Variants in PPP4R4 observed in about 807,000 individuals in gnomAD.
PPP4R4 encodes the protein protein phosphatase 4 regulatory subunit 4.
In PPP4R4, 70 loss-of-function variants were observed where a neutral mutation model predicts 121.8. That is an observed-to-expected ratio of 0.57 (90% CI 0.47 to 0.70). The LOEUF is 0.70. PPP4R4 is among the 30% of genes least tolerant of loss of function. The pLI is 0.00. For missense variants in PPP4R4, 875 were observed against 1,033.6 expected (o/e 0.85, Z 2.10); for synonymous variants, 348 against 355.7 (o/e 0.98, Z 0.24).
In PPP4R4 at chr14:94,174,404, G is replaced by A; in HGVS notation, c.-62G>A. The A allele has an allele frequency of 2.9e-6, 4 of 1,387,184 alleles. No individual in the cohort carries two copies. Among genetic ancestry groups the A allele is most frequent in the South Asian group, 1.6e-5 (1 of 62,666 alleles). The allele number at this position is 1,387,184 out of a possible 1,614,324, so 85.9% of individuals were successfully genotyped here. On this transcript the variant is annotated 5_prime_UTR_variant, in exon 1 of 25. Transcript: ENST00000304338. ...AGTCCTGCTGGTGGGCGGCCGCGGG[G>A]CTGAGGGCGTCCGGCATCCCGGGGC...
intron 16 of PPP4R4, among the ~76,000 whole-genome samples, chr14:94,254,167 A>G (rs1893339842): frequency 6.6e-6 from 1 of 152,198 alleles, no homozygotes; most frequent in Non-Finnish European, 1.5e-5. Flanking sequence ...TGGGCCCAGG[A>G]GTCTCATAGA....
chr14:94,231,110 ACTTTTT>A, intron 4 of PPP4R4, 126 bp from the exon 5 acceptor site: 1 of 696,534 alleles, frequency 1.4e-6, no homozygotes, highest in Non-Finnish European at 2.2e-6. Flanking sequence ...TAATAGAGAA[ACTTTTT>A]AGAATAGTAA....
intron 3 of PPP4R4, among the ~76,000 whole-genome samples, chr14:94,222,998 C>G (rs1044957434): frequency 1.3e-5 from 2 of 151,992 alleles, no homozygotes; most frequent in Non-Finnish European, 2.9e-5. Context: ...CTCACTAATT[C>G]ATCTGTATCT....
intron 23 of PPP4R4, among the ~76,000 whole-genome samples, chr14:94,269,630 G>A (rs1033351651): frequency 2.0e-5 from 3 of 151,740 alleles, no homozygotes; most frequent in South Asian, 4.2e-4. Flanking sequence ...GCAGTGAGCC[G>A]GGAGAGAGAG....
chr14:94,233,783 G>C, intron 6 of PPP4R4, 24 bp downstream of exon 6: 1 of 1,445,350 alleles, frequency 6.9e-7, no homozygotes, highest in Non-Finnish European at 9.7e-7. Context: ...TGTAATTTTC[G>C]GTCTACTTTA....
chr14:94,245,523 T>C (rs1892847468), intron 12 of PPP4R4, 64 bp from the exon 13 acceptor site: 1 of 833,314 alleles, frequency 1.2e-6, no homozygotes. Context: ...GAAATTGACA[T>C]GTAGAATTAA....
chr14:94,243,111 G>A (rs758752045), intron 11 of PPP4R4, among the ~76,000 whole-genome samples: 1 of 152,054 alleles, frequency 6.6e-6, no homozygotes, highest in Non-Finnish European at 1.5e-5. Context: ...CTATGTCAGA[G>A]CACTTTGATG....
At chr14:94,177,250 T>C (rs1297973651) in intron 2 of PPP4R4, among the ~76,000 whole-genome samples, 1 of 152,208 alleles carries the variant, frequency 6.6e-6, no homozygotes, top group Non-Finnish European at 1.5e-5. Context: ...TTAGACTTTA[T>C]GTTGATGTTA....
chr14:94,251,974 C>A, intron 16 of PPP4R4, 78 bp downstream of exon 16: 1 of 1,289,348 alleles, frequency 7.8e-7, no homozygotes, highest in Non-Finnish European at 1.1e-6. Flanking sequence ...AAAATCTTTT[C>A]CTTAGCCAAT....
rs373343609 is a variant in PPP4R4 at position 94,250,210 on chromosome 14, A to G, written c.1650A>G (p.Leu550=). 8.7e-6 allele frequency: 14 copies of G among 1,612,520 alleles called. No individual in the cohort carries two copies. The highest frequency in any genetic ancestry group is 4.0e-5 in the African/African-American group (3 of 74,880). ...LPVQKAASRT[L]CIFLRYNRKQ... ...TCCAAAAGGCGGCTTCACGAACTCT[A>G]TGCATTTTTCTGCGTTATAATCGTA... The change falls in exon 15 of 25, where the codon CTA becomes CTG. Residue 550 remains leucine, a synonymous_variant. Transcript: ENST00000304338.
At chr14:94,183,709 C>T (rs1338603747) in intron 2 of PPP4R4, among the ~76,000 whole-genome samples, 3 of 152,132 alleles carry the variant, frequency 2.0e-5, no homozygotes, top group Non-Finnish European at 4.4e-5. Flanking sequence ...GTAAAAGTGA[C>T]CCATATAATG....
chr14:94,275,832 C>G (rs1000993775), intron 24 of PPP4R4, among the ~76,000 whole-genome samples: 3 of 152,142 alleles, frequency 2.0e-5, no homozygotes, highest in Non-Finnish European at 4.4e-5. Flanking sequence ...GAAGGCATCC[C>G]TTTAAACACC....
intron 2 of PPP4R4, among the ~76,000 whole-genome samples, chr14:94,181,320 G>A (rs982687553): frequency 3.9e-5 from 6 of 152,072 alleles, no homozygotes; most frequent in African/African-American, 1.4e-4. Flanking sequence ...TATATAGGTG[G>A]TCTTGAGTGA....
chr14:94,208,394 T>TA, intron 2 of PPP4R4, 70 bp from the exon 3 acceptor site: 1 of 1,158,622 alleles, frequency 8.6e-7, no homozygotes, highest in Non-Finnish European at 1.2e-6. Flanking sequence ...AATTAGTCCA[T>TA]ACTTTTTATA....
At position 94,251,142 on chromosome 14, in the gene PPP4R4, A is replaced by T. The variant is rs544986888; in HGVS notation, c.1718-607A>T. Among the ~76,000 whole-genome samples the T allele has an allele frequency of 8.5e-5, 13 of 152,128 alleles. No individual in the cohort carries two copies. In the East Asian group the frequency reaches 2.1e-3, roughly 25 times the overall value. ...TTGAAAGAAGATTCAGTTTGGTTTT[A>T]TTTTTGAACATTTATGTAAAAAGTA... On this transcript the variant is annotated intron_variant, in intron 15 of 24. Coordinates refer to ENST00000304338, the MANE Select transcript of PPP4R4 (RefSeq NM_058237.2).
In PPP4R4 at chr14:94,194,358, G is replaced by A. The variant is rs149537627; in HGVS notation, c.192-14106G>A. On this transcript the variant is annotated intron_variant, in intron 2 of 24. Coordinates refer to ENST00000304338, the MANE Select transcript of PPP4R4 (RefSeq NM_058237.2). ...GAAAAGGAGCATGTCCCAAAGAATA[G>A]CACAACTGGGGCAAAAAGGAGCAGC... 3.3e-5 allele frequency among the ~76,000 whole-genome samples: 5 copies of A among 152,272 alleles called. No individual in the cohort carries two copies. The East Asian group carries it at 5.8e-4, about 18-fold the overall frequency.
At chr14:94,196,866 G>GT (rs1375885114) in intron 2 of PPP4R4, among the ~76,000 whole-genome samples, 1 of 151,938 alleles carries the variant, frequency 6.6e-6, no homozygotes, top group Non-Finnish European at 1.5e-5. Context: ...TGTAGTTTGC[G>GT]TATGTCTTTC....
chr14:94,231,451 A>C, intron 5 of PPP4R4, 136 bp downstream of exon 5: 1 of 615,816 alleles, frequency 1.6e-6, no homozygotes, highest in Non-Finnish European at 2.8e-6. Flanking sequence ...CATTGGAGGA[A>C]ATTTGAGAAA....
Position 94,279,194 on chromosome 14 carries a change from A to G in PPP4R4, c.*551A>G, listed in dbSNP as rs1484865294. ...GGCGGCCCTCCGGATTGTGGTGACA[A>G]TATGTTGTACCCGGACATTCCCAAA... On this transcript the variant is annotated 3_prime_UTR_variant, in exon 25 of 25. Coordinates refer to ENST00000304338, the MANE Select transcript of PPP4R4 (RefSeq NM_058237.2). 6.5e-6 allele frequency: 1 copy of G among 152,754 alleles called. No homozygotes were observed. The highest frequency in any genetic ancestry group is 2.4e-5 in the African/African-American group (1 of 41,574). 9.5% of individuals were successfully genotyped at this position (152,754 alleles called of 1,614,324 possible).
Sources: gnomAD v4.1 joint callset for allele counts (sites outside exome capture counted in the v4.1 genomes callset) on GRCh38, gnomAD v4.1.1 for gene constraint, MANE v1.5 for transcripts, NCBI Gene and HGNC (gene_info 2026-07-23, HGNC 2026-07-21) for gene names.